CLEC16A: variants seen among roughly 807,000 people sequenced by gnomAD.
CLEC16A encodes the protein protein CLEC16A.
In CLEC16A, 51 loss-of-function variants were observed where a neutral mutation model predicts 109.5. The ratio of observed to expected loss-of-function variants is 0.47; its 90% CI spans 0.37 to 0.59. The LOEUF (loss-of-function observed/expected upper bound fraction) is 0.59, where lower values mean the gene tolerates loss of function less well. Among genes scored for constraint, CLEC16A ranks in the 20% least tolerant of loss-of-function variants. CLEC16A has a pLI of 0.00. For missense variants in CLEC16A, 1,339 were observed against 1,394.0 expected (o/e 0.96, Z 0.63); for synonymous variants, 673 against 564.2 (o/e 1.19, Z -2.73).
intron 22 of CLEC16A, among the ~76,000 whole-genome samples, chr16:11,158,925 A>G (rs1006909372): frequency 1.3e-5 from 2 of 150,754 alleles, no homozygotes; most frequent in Non-Finnish European, 3.0e-5. Context: ...AGCTCAGGGA[A>G]AAAAAAAAAA....
intron 10 of CLEC16A, among the ~76,000 whole-genome samples, chr16:10,997,079 A>T (rs765880420): frequency 1.3e-5 from 2 of 152,178 alleles, no homozygotes; most frequent in Non-Finnish European, 2.9e-5. Flanking sequence ...TTCCTGCCTC[A>T]GCCTCCCAAG....
intron 11 of CLEC16A, among the ~76,000 whole-genome samples, chr16:11,013,601 C>CA (rs1190168137): frequency 1.3e-5 from 2 of 151,962 alleles, no homozygotes; most frequent in Non-Finnish European, 2.9e-5. Context: ...CCTGAAAATA[C>CA]AAAAAAATTA....
chr16:11,123,801 G>A lies in CLEC16A; in HGVS notation c.2328G>A (p.Lys776=), dbSNP rs1361707469. ...DSRALNITIH[K]PASSPHSKPF... ...GTGCCCTGAACATCACCATCCACAA[G>A]CCTGCGTCCAGCCCCCATTCCAAGC... Residue 776 remains lysine (K), a synonymous_variant, in exon 21 of 24, where the codon AAG becomes AAA. Transcript: ENST00000409790. The A allele has an allele frequency of 6.2e-7, 1 of 1,614,030 alleles. No individual in the cohort carries two copies. The highest frequency in any genetic ancestry group is 2.2e-5 in the East Asian group (1 of 44,886).
chr16:11,162,361 A>G (rs1407910682), intron 22 of CLEC16A, among the ~76,000 whole-genome samples: 1 of 152,172 alleles, frequency 6.6e-6, no homozygotes, highest in African/African-American at 2.4e-5. Context: ...TCTCAGGAGG[A>G]TGTTAGGATC....
At position 10,962,596 on chromosome 16, in the gene CLEC16A, C is replaced by G. The variant is rs1375890395; in HGVS notation, c.343+8C>G. On this transcript the variant is annotated splice_region_variant and intron_variant, in intron 3 of 23. Transcript: ENST00000409790. ...GTCACGAGACCTCACTTTGTAAGGA[C>G]ATTCCTTGGTATTTGCCTCTGTGCT... 6.2e-7 allele frequency: 1 copy of G among 1,613,420 alleles called. No individual in the cohort carries two copies. The highest frequency in any genetic ancestry group is 8.5e-7 in the Non-Finnish European group (1 of 1,179,554).
At chr16:11,154,189 C>G (rs1006133805) in intron 22 of CLEC16A, among the ~76,000 whole-genome samples, 1 of 152,212 alleles carries the variant, frequency 6.6e-6, no homozygotes, top group African/African-American at 2.4e-5. Context: ...CGTCCCCATC[C>G]TCCATGAATT....
intron 13 of CLEC16A, chr16:11,027,662 G>A: frequency 6.5e-7 from 1 of 1,547,682 alleles, no homozygotes; most frequent in East Asian, 2.2e-5. Flanking sequence ...ACCTCTCAGT[G>A]GCCCATCATG....
chr16:11,037,417 G>T (rs1218379512), intron 13 of CLEC16A, among the ~76,000 whole-genome samples: 2 of 152,220 alleles, frequency 1.3e-5, no homozygotes, highest in Non-Finnish European at 2.9e-5. Context: ...TTGGAACCTG[G>T]TACAGAGAGA....
chr16:11,012,392 G>A (rs936692153), intron 11 of CLEC16A, among the ~76,000 whole-genome samples: 1 of 152,056 alleles, frequency 6.6e-6, no homozygotes, highest in Non-Finnish European at 1.5e-5. Flanking sequence ...TCAGGAGATC[G>A]AGACGATCCT....
At chr16:11,020,140 T>C in intron 11 of CLEC16A, 53 bp from the exon 12 acceptor site, 2 of 1,558,108 alleles carry the variant, frequency 1.3e-6, no homozygotes, top group East Asian at 2.3e-5. Flanking sequence ...TGTGTATAAA[T>C]CTAGGGCTGA....
At position 11,144,122 on chromosome 16, in the gene CLEC16A, A is replaced by G. The variant is rs1027129538; in HGVS notation, c.2641+17976A>G. Among the ~76,000 whole-genome samples the G allele has an allele frequency of 5.3e-5, 8 of 152,170 alleles. No homozygotes were observed. In the South Asian group the frequency reaches 1.2e-3, roughly 24 times the overall value. The stretch of plus-strand genomic sequence containing the variant: ...TCGCTCGGCACTTTCTCAGAATACT[A>G]CTAGGCTGGTCATCTCCCAAGCTAC... On this transcript the variant is annotated intron_variant, in intron 22 of 23. Transcript: ENST00000409790.
chr16:10,963,851 G>A (rs751948443), intron 3 of CLEC16A, among the ~76,000 whole-genome samples: 8 of 152,224 alleles, frequency 5.3e-5, no homozygotes, highest in Non-Finnish European at 1.2e-4. Context: ...CTGACATCTA[G>A]TGGGTAGAGG....
rs1479950735 is a variant in CLEC16A at position 11,003,395 on chromosome 16, C to G, written c.1303+90C>G. On this transcript the variant is annotated intron_variant, in intron 11 of 23. Transcript: ENST00000409790. ...ACCTGTGCCCTCTCCACCCAGACTT[C>G]TGCTCCCCACAGTGTCCAGCCAGTG... 3 of 968,464 alleles carry G rather than the reference C, an allele frequency of 3.1e-6. No homozygotes were observed. The East Asian group carries it at 7.6e-5, about 25-fold the overall frequency. 60.0% of individuals were successfully genotyped at this position (968,464 alleles called of 1,614,324 possible). A position where few individuals can be genotyped will look rare whatever the true frequency, so the allele number is the denominator to read the frequency against.
chr16:10,959,016 T>TGC (rs2042126745), intron 2 of CLEC16A, among the ~76,000 whole-genome samples: 1 of 86,278 alleles, frequency 1.2e-5, no homozygotes, highest in African/African-American at 3.9e-5. Flanking sequence ...TAAACACGGG[T>TGC]GTGTGTGTGT....
intron 19 of CLEC16A, among the ~76,000 whole-genome samples, chr16:11,094,170 C>T (rs947693958): frequency 1.3e-5 from 2 of 152,176 alleles, no homozygotes; most frequent in African/African-American, 4.8e-5. Context: ...TTGTACAGGG[C>T]CCCTTCCCAG....
chr16:11,144,357 C>A (rs536357208), intron 22 of CLEC16A, among the ~76,000 whole-genome samples: 2 of 152,180 alleles, frequency 1.3e-5, no homozygotes, highest in Non-Finnish European at 2.9e-5. Flanking sequence ...TGGGTCAGCT[C>A]TTTGCTCCTC....
chr16:11,124,056 A>G (rs1201165038), intron 21 of CLEC16A, 110 bp downstream of exon 21: 15 of 972,616 alleles, frequency 1.5e-5, no homozygotes, highest in Non-Finnish European at 2.3e-5. Flanking sequence ...GAAGACACGT[A>G]TGATTCAGGA....
intron 1 of CLEC16A, among the ~76,000 whole-genome samples, chr16:10,947,932 T>C (rs549738188): frequency 2.5e-3 from 385 of 152,216 alleles, no homozygotes; most frequent in Middle Eastern, 0.017. Context: ...CTTGCTCTGT[T>C]GCCCAGGCTG....
chr16:11,098,645 A>G (rs2050740191), intron 19 of CLEC16A, among the ~76,000 whole-genome samples: 1 of 152,170 alleles, frequency 6.6e-6, no homozygotes, highest in Admixed American at 6.5e-5. Flanking sequence ...TAAAATCTGC[A>G]CTTTGTCCCA....
Sources: allele counts gnomAD v4.1 joint callset (sites outside exome capture counted in the v4.1 genomes callset), GRCh38; gene constraint gnomAD v4.1.1; transcripts MANE v1.5; gene names NCBI Gene and HGNC (gene_info 2026-07-23, HGNC 2026-07-21).